Variants in INVS observed in about 807,000 individuals in gnomAD.
INVS encodes the protein inversin.
A neutral mutation model predicts 108.8 loss-of-function variants in INVS; 86 were observed. The ratio of observed to expected loss-of-function variants is 0.79; its 90% CI spans 0.66 to 0.95. INVS has a LOEUF of 0.95. Among genes scored for constraint, INVS ranks in the 40% least tolerant of loss-of-function variants. INVS has a pLI of 0.00. For missense variants in INVS, 1,169 were observed against 1,297.4 expected (o/e 0.90, Z 1.52); for synonymous variants, 455 against 473.5 (o/e 0.96, Z 0.51).
intron 3 of INVS, among the ~76,000 whole-genome samples, chr9:100,161,123 C>T (rs1377764371): frequency 6.6e-6 from 1 of 151,818 alleles, no homozygotes; most frequent in Non-Finnish European, 1.5e-5. Flanking sequence ...CGCCTGTAAT[C>T]CCAGCACTTT....
chr9:100,173,493 C>T (rs1044303351), intron 3 of INVS, among the ~76,000 whole-genome samples: 1 of 152,074 alleles, frequency 6.6e-6, no homozygotes, highest in Non-Finnish European at 1.5e-5. Context: ...TTTGGGAGGC[C>T]AAGGCAGGTG....
At chr9:100,160,719 C>T (rs1829143285) in intron 3 of INVS, among the ~76,000 whole-genome samples, 1 of 152,024 alleles carries the variant, frequency 6.6e-6, no homozygotes, top group Non-Finnish European at 1.5e-5. Flanking sequence ...AGTATTATTC[C>T]TCAGTAATTT....
chr9:100,109,980 A>C (rs1827293351), intron 2 of INVS, among the ~76,000 whole-genome samples: 1 of 152,170 alleles, frequency 6.6e-6, no homozygotes. Context: ...ACTTGTTTTT[A>C]ACATCTTCTG....
chr9:100,275,079 C>T lies in INVS; in HGVS notation c.1784+2003C>T, dbSNP rs980537031. ...TAAAGCTACTGAAGTAGATGGCATC[C>T]GAGGAAATACTATGTTGTACTCTTC... On this transcript the variant is annotated intron_variant, in intron 12 of 16. Transcript: ENST00000262457. Among the ~76,000 whole-genome samples the T allele has an allele frequency of 1.2e-4, 18 of 152,094 alleles. 1 individual carries two copies. The highest frequency in any genetic ancestry group is 3.1e-4 in the African/African-American group (13 of 41,418).
chr9:100,266,365 TG>T (rs1439009039), intron 11 of INVS, among the ~76,000 whole-genome samples: 2 of 152,194 alleles, frequency 1.3e-5, no homozygotes, highest in African/African-American at 4.8e-5. Context: ...AAAGCAGCCT[TG>T]AGGGCTGCTG....
At position 100,117,280 on chromosome 9, in the gene INVS, A is replaced by G. The variant is rs552384148; in HGVS notation, c.107-9103A>G. 7 of 738,176 alleles carry G rather than the reference A, an allele frequency of 9.5e-6. No homozygotes were observed. In the East Asian group the frequency reaches 1.0e-4, roughly 11 times the overall value. The allele number at this position is 738,176 out of a possible 1,614,324, so 45.7% of individuals were successfully genotyped here. The stretch of plus-strand genomic sequence containing the variant: ...ACGCTTTGAACCTGGTGCTCTGGCC[A>G]GCACGGGTCTGCTTCTGCACCGGCG... On this transcript the variant is annotated intron_variant, in intron 2 of 16. Transcript: ENST00000262457.
chr9:100,299,325 C>T (rs1242832181), intron 16 of INVS, among the ~76,000 whole-genome samples: 1 of 152,046 alleles, frequency 6.6e-6, no homozygotes, highest in Non-Finnish European at 1.5e-5. Context: ...AATATTATTG[C>T]TCTCACCCTC....
At chr9:100,126,927 A>AT (rs1196552029) in intron 3 of INVS, among the ~76,000 whole-genome samples, 1 of 152,172 alleles carries the variant, frequency 6.6e-6, no homozygotes, top group African/African-American at 2.4e-5. Flanking sequence ...TATATATGGA[A>AT]TTTTTTTACT....
Position 100,177,771 on chromosome 9 carries a change from C to G in INVS, c.274-48291C>G, listed in dbSNP as rs375957733. 1.3e-4 allele frequency among the ~76,000 whole-genome samples: 20 copies of G among 152,352 alleles called. No individual in the cohort carries two copies. The East Asian group carries it at 2.9e-3, about 22-fold the overall frequency. On this transcript the variant is annotated intron_variant, in intron 3 of 16. Transcript: ENST00000262457. ...CAGATCTCCCAACACAGCGCTCGAGCTCTGCTAAGGGAAAGACTGCCTCTT... is the reference window on the plus strand; with the variant it reads ...CAGATCTCCCAACACAGCGCTCGAGGTCTGCTAAGGGAAAGACTGCCTCTT...
chr9:100,100,487 A>G, intron 1 of INVS, among the ~76,000 whole-genome samples: 1 of 144,262 alleles, frequency 6.9e-6, no homozygotes, highest in Non-Finnish European at 1.5e-5. Flanking sequence ...TCAGCCTGTG[A>G]CCTTTCATCC....
intron 3 of INVS, among the ~76,000 whole-genome samples, chr9:100,180,527 A>T (rs969600054): frequency 2.0e-5 from 3 of 152,220 alleles, no homozygotes; most frequent in Non-Finnish European, 4.4e-5. Flanking sequence ...TAGAAAATCT[A>T]GAAGAAATTG....
At chr9:100,292,111 G>A (rs1176100579) in intron 13 of INVS, among the ~76,000 whole-genome samples, 4 of 152,078 alleles carry the variant, frequency 2.6e-5, no homozygotes, top group African/African-American at 9.7e-5. Flanking sequence ...CTTTCCAAAG[G>A]ATATCCACTA....
chr9:100,229,517 G>C, intron 4 of INVS, 143 bp from the exon 5 acceptor site: 1 of 715,196 alleles, frequency 1.4e-6, no homozygotes. Context: ...GTTGAACACA[G>C]AGACCTGAAA....
chr9:100,194,880 C>T (rs954431925), intron 3 of INVS, among the ~76,000 whole-genome samples: 3 of 152,046 alleles, frequency 2.0e-5, no homozygotes, highest in African/African-American at 7.2e-5. Context: ...CACTGGAATG[C>T]CAAGGGCCAG....
intron 3 of INVS, among the ~76,000 whole-genome samples, chr9:100,136,700 G>C (rs923360197): frequency 3.9e-5 from 6 of 152,140 alleles, no homozygotes; most frequent in African/African-American, 1.4e-4. Flanking sequence ...TTAGGAGAAA[G>C]AATGGATTAT....
chr9:100,288,787 A>T (rs1430105942), intron 13 of INVS, among the ~76,000 whole-genome samples: 1 of 151,828 alleles, frequency 6.6e-6, no homozygotes, highest in Non-Finnish European at 1.5e-5. Flanking sequence ...TGCCTGGCTA[A>T]TTTTTTGCAT....
At chr9:100,266,113 G>A (rs1470890328) in intron 11 of INVS, among the ~76,000 whole-genome samples, 1 of 152,042 alleles carries the variant, frequency 6.6e-6, no homozygotes, top group Non-Finnish European at 1.5e-5. Flanking sequence ...TGAAGTCTAA[G>A]GAATAGCGAT....
At chr9:100,199,017 C>CTAA (rs1181194946) in intron 3 of INVS, among the ~76,000 whole-genome samples, 2 of 152,190 alleles carry the variant, frequency 1.3e-5, no homozygotes, top group Non-Finnish European at 2.9e-5. Flanking sequence ...CTATTGAATC[C>CTAA]TATTATGTGT....
rs1833943033 is a variant in INVS, at chr9:100,300,755, AC to A, written c.*83del. 3.0e-6 allele frequency: 3 copies of A among 991,336 alleles called. No homozygotes were observed. Among genetic ancestry groups the A allele is most frequent in the Non-Finnish European group, 4.7e-6 (3 of 633,452 alleles). 61.4% of individuals were successfully genotyped at this position (991,336 alleles called of 1,614,324 possible). The stretch of plus-strand genomic sequence containing the variant: ...AGATTTTCTGCTGATAATCTTTTAC[AC>A]CTTGGGAAAACTTTAATATCCGTAC... On this transcript the variant is annotated 3_prime_UTR_variant, in exon 17 of 17. Transcript: ENST00000262457.
Sources: allele counts gnomAD v4.1 joint callset (sites outside exome capture counted in the v4.1 genomes callset), GRCh38; gene constraint gnomAD v4.1.1; transcripts MANE v1.5; gene names NCBI Gene and HGNC (gene_info 2026-07-23, HGNC 2026-07-21).